Variants in GRIK2 observed in about 807,000 individuals in gnomAD.
GRIK2 encodes glutamate receptor ionotropic, kainate 2.
In GRIK2, 32 loss-of-function variants were observed where a neutral mutation model predicts 100.3. The observed-to-expected ratio is 0.32, with a 90% confidence interval of 0.24 to 0.43. The LOEUF is 0.43. Ranked by LOEUF, GRIK2 falls within the 20% of genes least tolerant of loss-of-function variation. The pLI, the probability that GRIK2 is intolerant of heterozygous loss-of-function variation, is 1.00. For synonymous variants in GRIK2, 417 were observed against 389.4 expected (o/e 1.07, Z -0.83); for missense variants, 843 against 1,114.9 (o/e 0.76, Z 3.47).
At chr6:102,023,364 A>G (rs545819548) in intron 14 of GRIK2, among the ~76,000 whole-genome samples, 35 of 151,586 alleles carry the variant, frequency 2.3e-4, no homozygotes, top group Non-Finnish European at 4.7e-4. Context: ...AGAAATAATT[A>G]TATAAGATTC....
At chr6:101,792,368 G>C (rs1016223066) in intron 7 of GRIK2, among the ~76,000 whole-genome samples, 3 of 152,040 alleles carry the variant, frequency 2.0e-5, no homozygotes, top group Admixed American at 2.0e-4. Flanking sequence ...TGCATGTTTA[G>C]TGCTTCCTTC....
chr6:101,750,515 T>A (rs569336444), intron 7 of GRIK2, among the ~76,000 whole-genome samples: 5 of 152,352 alleles, frequency 3.3e-5, no homozygotes, highest in African/African-American at 1.2e-4. Context: ...CTCAGTGGCA[T>A]AGCTAGTATT....
chr6:101,698,462 T>G (rs1265198776), intron 7 of GRIK2, among the ~76,000 whole-genome samples: 3 of 152,146 alleles, frequency 2.0e-5, no homozygotes, highest in African/African-American at 7.2e-5. Context: ...ATCTTTCATT[T>G]GCCTTTCTAA....
chr6:101,698,138 A>T (rs1856138), intron 7 of GRIK2, among the ~76,000 whole-genome samples: 4 of 149,000 alleles, frequency 2.7e-5, no homozygotes, highest in Non-Finnish European at 6.0e-5. Flanking sequence ...AATGAACATG[A>T]CATAGCTAGT....
At chr6:101,419,967 A>G (rs760230807) in intron 2 of GRIK2, among the ~76,000 whole-genome samples, 17 of 152,202 alleles carry the variant, frequency 1.1e-4, no homozygotes, top group Middle Eastern at 3.2e-3. Context: ...TTCATCCCCA[A>G]ATAAAACACA....
At chr6:101,806,810 T>C (rs1386709969) in intron 9 of GRIK2, among the ~76,000 whole-genome samples, 2 of 151,862 alleles carry the variant, frequency 1.3e-5, no homozygotes, top group Non-Finnish European at 2.9e-5. Context: ...TCTAAGTCTC[T>C]AATCAAGTTT....
chr6:101,908,231 G>C (rs1010185529), intron 12 of GRIK2, among the ~76,000 whole-genome samples: 1 of 64,718 alleles, frequency 1.5e-5, no homozygotes, highest in African/African-American at 6.2e-5. Context: ...AAATTGTTGA[G>C]TCATTTTATT....
At chr6:101,620,130 C>T (rs1244090600) in intron 2 of GRIK2, 1 of 265,004 alleles carries the variant, frequency 3.8e-6, no homozygotes, top group East Asian at 1.8e-4. Flanking sequence ...AAGCAACTGC[C>T]CAAAATTATA....
intron 6 of GRIK2, among the ~76,000 whole-genome samples, chr6:101,682,873 C>T (rs989762837): frequency 6.6e-6 from 1 of 152,022 alleles, no homozygotes; most frequent in African/African-American, 2.4e-5. Flanking sequence ...TATAATGGAT[C>T]TTGAAATTAG....
intron 13 of GRIK2, chr6:101,928,185 C>A (rs922504101): frequency 1.9e-6 from 1 of 531,344 alleles, no homozygotes; most frequent in Non-Finnish European, 3.4e-6. Flanking sequence ...TCAGGTAGAA[C>A]ATGAGTCTCC....
chr6:101,817,296 T>C (rs946988883), intron 9 of GRIK2, among the ~76,000 whole-genome samples: 1 of 152,212 alleles, frequency 6.6e-6, no homozygotes, highest in Non-Finnish European at 1.5e-5. Flanking sequence ...TTAGCATATT[T>C]AGTTAGAACA....
chr6:101,686,936 T>G (rs1222883716), intron 7 of GRIK2, among the ~76,000 whole-genome samples: 1 of 152,068 alleles, frequency 6.6e-6, no homozygotes, highest in African/African-American at 2.4e-5. Context: ...CCAAACAACT[T>G]TAGTTGTTTA....
intron 1 of GRIK2, among the ~76,000 whole-genome samples, chr6:101,395,154 A>G (rs983308515): frequency 6.6e-6 from 1 of 152,236 alleles, no homozygotes; most frequent in Non-Finnish European, 1.5e-5. Flanking sequence ...GCAAGTATGC[A>G]ACAGTGTGAT....
intron 11 of GRIK2, among the ~76,000 whole-genome samples, chr6:101,867,142 G>A (rs1020892130): frequency 1.6e-4 from 24 of 151,536 alleles, no homozygotes; most frequent in Admixed American, 1.5e-3. Flanking sequence ...ATACTGATTG[G>A]ACCTCAACTT....
Position 101,571,978 on chromosome 6 carries a change from C to T in GRIK2, c.116-49971C>T, listed in dbSNP as rs1777559645. Among the ~76,000 whole-genome samples the T allele has an allele frequency of 2.0e-5, 3 of 152,064 alleles. No homozygotes were observed. In the South Asian group the frequency reaches 6.2e-4, roughly 31 times the overall value. ...AAGATTACACAAAGTATTTGAAAGT[C>T]TATCATCTTCAAACCAGTGTTCTTA... is the stretch of plus-strand genomic sequence containing the variant. On this transcript the variant is annotated intron_variant, in intron 2 of 16. Transcript: ENST00000369134.
At chr6:101,540,807 T>C (rs1775948838) in intron 2 of GRIK2, among the ~76,000 whole-genome samples, 1 of 151,974 alleles carries the variant, frequency 6.6e-6, no homozygotes, top group African/African-American at 2.4e-5. Flanking sequence ...GACCTTGGAT[T>C]TTTGCTTAAG....
intron 2 of GRIK2, 94 bp downstream of exon 2, chr6:101,399,486 G>C: frequency 1.3e-6 from 1 of 752,828 alleles, no homozygotes; most frequent in Non-Finnish European, 2.5e-6. Flanking sequence ...TGGGCTCCGT[G>C]GATTCTGATC....
At chr6:101,679,367 C>T (rs533100939) in intron 5 of GRIK2, among the ~76,000 whole-genome samples, 83 of 152,210 alleles carry the variant, frequency 5.5e-4, no homozygotes, top group African/African-American at 1.8e-3. Context: ...CATCATATAG[C>T]ATAGCACTAC....
intron 14 of GRIK2, among the ~76,000 whole-genome samples, chr6:101,988,134 C>T (rs6938092): frequency 0.032 from 4,140 of 130,346 alleles, 78 homozygotes; most frequent in African/African-American, 0.07. Flanking sequence ...TGTGTGTGTG[C>T]GCGCGCGCGC....
Sources: gnomAD v4.1 joint callset for allele counts (sites outside exome capture counted in the v4.1 genomes callset) on GRCh38, gnomAD v4.1.1 for gene constraint, MANE v1.5 for transcripts, NCBI Gene and HGNC (gene_info 2026-07-23, HGNC 2026-07-21) for gene names.